The following P2RY8 variants were observed in gnomAD, a reference collection of about 807,000 sequenced individuals.
P2RY8 encodes P2Y receptor family member 8.
Under a neutral mutation model 10.0 loss-of-function variants are expected in P2RY8, and 6 were observed. That is an observed-to-expected ratio of 0.60 (90% CI 0.33 to 1.19). The LOEUF (loss-of-function observed/expected upper bound fraction) is 1.19. Ranked by LOEUF, P2RY8 falls within the 50% of genes most tolerant of loss-of-function variation. P2RY8 has a pLI of 0.04. For missense variants in P2RY8, 456 were observed against 542.0 expected (o/e 0.84, Z 1.58); for synonymous variants, 276 against 252.5 (o/e 1.09, Z -0.88).
intron 1 of P2RY8, among the ~76,000 whole-genome samples, chrX:1,517,972 G>T (rs2092362702): frequency 2.0e-5 from 3 of 151,506 alleles, no homozygotes; most frequent in Admixed American, 2.0e-4. Flanking sequence ...AGCTGGGCGT[G>T]GTGGTGCGCA....
chrX:1,523,958 T>A (rs1421709809), intron 1 of P2RY8, among the ~76,000 whole-genome samples: 1 of 152,210 alleles, frequency 6.6e-6, no homozygotes, highest in Non-Finnish European at 1.5e-5. Context: ...CCCAAAGAGC[T>A]GGGATTACAG....
intron 1 of P2RY8, among the ~76,000 whole-genome samples, chrX:1,472,568 T>G: frequency 8.2e-6 from 1 of 122,416 alleles, no homozygotes; most frequent in South Asian, 3.0e-4. Context: ...AATGGGTGGG[T>G]AGGTGGGTGA....
intron 1 of P2RY8, among the ~76,000 whole-genome samples, chrX:1,509,010 C>CTATT (rs1380712092): frequency 1.5e-5 from 2 of 135,888 alleles, no homozygotes. Flanking sequence ...GTTCATCCAT[C>CTATT]CATCCATCCA....
At chrX:1,475,750 G>A (rs2091866655) in intron 1 of P2RY8, among the ~76,000 whole-genome samples, 1 of 152,174 alleles carries the variant, frequency 6.6e-6, no homozygotes, top group South Asian at 2.1e-4. Context: ...AGGATCTCAA[G>A]ACTTGAAGAT....
chrX:1,498,086 C>G (rs1464891617), intron 1 of P2RY8, among the ~76,000 whole-genome samples: 1 of 152,072 alleles, frequency 6.6e-6, no homozygotes, highest in Admixed American at 6.6e-5. Flanking sequence ...TGCTCCTGAA[C>G]TTTAAACAGC....
chrX:1,474,371 ATAAGTGGGTGGG>A (rs1346867440), intron 1 of P2RY8, among the ~76,000 whole-genome samples: 927 of 92,496 alleles, frequency 0.01, no homozygotes, highest in South Asian at 0.02. Flanking sequence ...GGATGGATGG[ATAAGTGGGTGGG>A]TGGATGGATG....
chrX:1,464,084 C>A lies in P2RY8; in HGVS notation c.*1395G>T, dbSNP rs1184387975. On this transcript the variant is annotated 3_prime_UTR_variant, in exon 2 of 2. Coordinates refer to ENST00000381297, the MANE Select transcript of P2RY8 (RefSeq NM_178129.5). Reference sequence around the variant, plus strand: ...CAGCAGCTTCAGCCTCCATCAGCGTCCCCAGTGCACAGAAAGGGAGGGGCC... The same window carrying A: ...CAGCAGCTTCAGCCTCCATCAGCGTACCCAGTGCACAGAAAGGGAGGGGCC... 2 of 233,176 alleles carry A rather than the reference C, an allele frequency of 8.6e-6. No homozygotes were observed. Among genetic ancestry groups the A allele is most frequent in the African/African-American group, 4.4e-5 (2 of 45,338 alleles). The allele number at this position is 233,176 out of a possible 1,614,324, so 14.4% of individuals were successfully genotyped here.
At chrX:1,497,232 A>AG (rs1178930154) in intron 1 of P2RY8, among the ~76,000 whole-genome samples, 3 of 117,672 alleles carry the variant, frequency 2.5e-5, no homozygotes, top group Non-Finnish European at 4.1e-5. Context: ...AAAAAAAAAA[A>AG]AAAAGAAAAG....
intron 1 of P2RY8, among the ~76,000 whole-genome samples, chrX:1,500,127 G>A (rs1474514055): frequency 1.1e-4 from 16 of 151,538 alleles, no homozygotes; most frequent in Non-Finnish European, 1.8e-4. Flanking sequence ...CAAAGTGCTG[G>A]GATGACAGGC....
chrX:1,493,110 AC>A (rs1460425053), intron 1 of P2RY8, among the ~76,000 whole-genome samples: 1 of 150,120 alleles, frequency 6.7e-6, no homozygotes, highest in Non-Finnish European at 1.5e-5. Context: ...ACATAGTGAG[AC>A]CCCATCTCTA....
chrX:1,512,033 A>G (rs760267639), intron 1 of P2RY8, among the ~76,000 whole-genome samples: 1 of 152,016 alleles, frequency 6.6e-6, no homozygotes, highest in Non-Finnish European at 1.5e-5. Flanking sequence ...GGCTCATCAC[A>G]CCAGATATGT....
intron 1 of P2RY8, among the ~76,000 whole-genome samples, chrX:1,520,054 C>T (rs1438001529): frequency 6.6e-6 from 1 of 151,732 alleles, no homozygotes; most frequent in African/African-American, 2.4e-5. Context: ...CCAATAATCT[C>T]TCTGGTCCCC....
intron 1 of P2RY8, among the ~76,000 whole-genome samples, chrX:1,487,050 T>C (rs2091992817): frequency 6.6e-6 from 1 of 152,196 alleles, no homozygotes; most frequent in East Asian, 1.9e-4. Flanking sequence ...CCTACCGGGG[T>C]GTCTGGGGCC....
chrX:1,492,857 C>G (rs1405221479), intron 1 of P2RY8, among the ~76,000 whole-genome samples: 2 of 152,028 alleles, frequency 1.3e-5, no homozygotes, highest in African/African-American at 4.8e-5. Context: ...ACTAATTCCC[C>G]AGTGCAGTGG....
In P2RY8 at chrX:1,466,574, G is replaced by T. The variant is rs1197004112; in HGVS notation, c.-16C>A. ...GGACCTGCATCCTGGAGGGGTCCTC[G>T]CCCGGGCTCTGCAAGGGAAGGAGGG... On this transcript the variant is annotated 5_prime_UTR_variant, in exon 2 of 2. Transcript: ENST00000381297. The T allele has an allele frequency of 6.3e-7, 1 of 1,595,370 alleles. No homozygotes were observed. The highest frequency in any genetic ancestry group is 1.7e-5 in the Admixed American group (1 of 59,540).
intron 1 of P2RY8, among the ~76,000 whole-genome samples, chrX:1,500,706 C>G (rs1319905178): frequency 6.6e-6 from 1 of 152,106 alleles, no homozygotes; most frequent in Non-Finnish European, 1.5e-5. Flanking sequence ...CCTAGCCCTC[C>G]CAAAGTCTTG....
At position 1,463,006 on chromosome X, in the gene P2RY8, G is replaced by A. The variant is rs1209374123; in HGVS notation, c.*2473C>T. 3.4e-5 allele frequency: 8 copies of A among 232,676 alleles called. No individual in the cohort carries two copies. Among genetic ancestry groups the A allele is most frequent in the Non-Finnish European group, 5.1e-5 (6 of 117,936 alleles). 14.4% of individuals were successfully genotyped at this position (232,676 alleles called of 1,614,324 possible). A position where few individuals can be genotyped will look rare whatever the true frequency, so the allele number is the denominator to read the frequency against. On this transcript the variant is annotated 3_prime_UTR_variant, in exon 2 of 2. Coordinates refer to ENST00000381297, the MANE Select transcript of P2RY8 (RefSeq NM_178129.5). ...AAAAAAAAATCGACGCATTTTGCCTGCTTGCAACGTCTTCCTTTGCTGGGG... is the reference window on the plus strand; with the variant it reads ...AAAAAAAAATCGACGCATTTTGCCTACTTGCAACGTCTTCCTTTGCTGGGG...
At chrX:1,504,761 C>T (rs767256093) in intron 1 of P2RY8, among the ~76,000 whole-genome samples, 3 of 151,154 alleles carry the variant, frequency 2.0e-5, no homozygotes, top group Admixed American at 1.3e-4. Flanking sequence ...CTGATGCGGG[C>T]GGATCACCTG....
intron 1 of P2RY8, among the ~76,000 whole-genome samples, chrX:1,484,986 CTTTTTTT>C (rs773650240): frequency 8.6e-5 from 7 of 81,418 alleles, no homozygotes; most frequent in South Asian, 5.8e-4. Context: ...GTAATAATGT[CTTTTTTT>C]TTTTTTTTTT....
Sources: gnomAD v4.1 joint callset for allele counts (sites outside exome capture counted in the v4.1 genomes callset) on GRCh38, gnomAD v4.1.1 for gene constraint, MANE v1.5 for transcripts, NCBI Gene and HGNC (gene_info 2026-07-23, HGNC 2026-07-21) for gene names.